Variants in LYPLAL1 observed in about 807,000 individuals in gnomAD.
LYPLAL1 encodes lysophospholipase-like protein 1.
LYPLAL1 carries 23 observed loss-of-function variants against 19.7 expected under a neutral mutation model. That is an observed-to-expected ratio of 1.17 (90% CI 0.84 to 1.65). The LOEUF is 1.65. Ranked by LOEUF, LYPLAL1 falls within the 40% of genes most tolerant of loss-of-function variation. The pLI is 0.00. For synonymous variants in LYPLAL1, 119 were observed against 96.3 expected, an observed-to-expected ratio of 1.24 and a Z score of -1.38; for missense variants, 355 against 279.4, an observed-to-expected ratio of 1.27 and a Z score of -1.93.
chr1:219,429,383 C>T, the LYPLAL1 span, among the ~76,000 whole-genome samples: 11 of 152,274 alleles, frequency 7.2e-5, no homozygotes, highest in East Asian at 1.2e-3. Flanking sequence ...TCCAGCAGGG[C>T]GCAGTGGCTC....
chr1:219,265,011 T>C, the LYPLAL1 span, among the ~76,000 whole-genome samples: 43 of 152,350 alleles, frequency 2.8e-4, no homozygotes, highest in Non-Finnish European at 5.3e-4. Flanking sequence ...TCTTCTCAAG[T>C]AGCCAGTTGT....
At position 219,173,958 on chromosome 1, in the gene LYPLAL1, C is replaced by T; in HGVS notation, c.68C>T (p.Ser23Phe). 2 of 1,614,094 alleles carry T rather than the reference C, an allele frequency of 1.2e-6. No homozygotes were observed. Among genetic ancestry groups the T allele is most frequent in the Non-Finnish European group, 1.7e-6 (2 of 1,179,980 alleles). ...TCGCCGGCAGGGAGGCATAGCGCCTCTCTGATCTTCCTGCATGGCTCAGGT... is the reference window on the plus strand; with the variant it reads ...TCGCCGGCAGGGAGGCATAGCGCCTTTCTGATCTTCCTGCATGGCTCAGGT... Reference protein sequence around the residue: ...IVSPAGRHSASLIFLHGSGDS... With the variant: ...IVSPAGRHSAFLIFLHGSGDS... The change falls in exon 1 of 5, where the codon TCT (serine) becomes TTT (phenylalanine). Residue 23 changes from serine (S) to phenylalanine (F), a missense_variant. Transcript: ENST00000366928.
At chr1:219,369,460 G>A in the LYPLAL1 span, among the ~76,000 whole-genome samples, 1 of 152,176 alleles carries the variant, frequency 6.6e-6, no homozygotes, top group Admixed American at 6.5e-5. Flanking sequence ...TTTTAGTAGA[G>A]GCAGGGTTTC....
At chr1:219,246,971 C>G in the LYPLAL1 span, among the ~76,000 whole-genome samples, 9 of 152,274 alleles carry the variant, frequency 5.9e-5, no homozygotes, top group African/African-American at 1.2e-4. Flanking sequence ...AAACTGCTGG[C>G]CCATTATGAT....
intron 3 of LYPLAL1, among the ~76,000 whole-genome samples, chr1:219,194,839 C>T (rs779914471): frequency 2.6e-5 from 4 of 151,992 alleles, no homozygotes; most frequent in Non-Finnish European, 5.9e-5. Flanking sequence ...TTAACTATTA[C>T]AGTGTAGAAG....
chr1:219,397,145 G>A, the LYPLAL1 span, among the ~76,000 whole-genome samples: 1 of 152,110 alleles, frequency 6.6e-6, no homozygotes, highest in Non-Finnish European at 1.5e-5. Flanking sequence ...TTTTATTTAA[G>A]GCCTTTTCTA....
chr1:219,435,446 CA>C, the LYPLAL1 span: 1 of 152,122 alleles, frequency 6.6e-6, no homozygotes, highest in Non-Finnish European at 1.5e-5. Context: ...AAATTATTTA[CA>C]GAAAGTTGTT....
chr1:219,430,287 C>CAAA, the LYPLAL1 span, among the ~76,000 whole-genome samples: 936 of 69,356 alleles, frequency 0.013, 43 homozygotes, highest in African/African-American at 0.042. Context: ...GATCCTAGCT[C>CAAA]AAAAAAAAAA....
the LYPLAL1 span, among the ~76,000 whole-genome samples, chr1:219,259,531 A>G: frequency 6.6e-6 from 1 of 151,516 alleles, no homozygotes; most frequent in Non-Finnish European, 1.5e-5. Context: ...AAGTGAATTA[A>G]CTCAGGAATG....
In LYPLAL1 at chr1:219,193,259, C is replaced by A; in HGVS notation, c.361+8C>A. ...AGAACAGGATATTAATAGGTAAGAC[C>A]TTTAAATGTTGGTAATTTATCACTG... On this transcript the variant is annotated splice_region_variant and intron_variant, in intron 3 of 4. Transcript: ENST00000366928. 1 of 1,598,130 alleles carries A rather than the reference C, an allele frequency of 6.3e-7. No individual in the cohort carries two copies. Among genetic ancestry groups the A allele is most frequent in the Non-Finnish European group, 8.5e-7 (1 of 1,170,404 alleles).
chr1:219,412,390 G>A, the LYPLAL1 span, among the ~76,000 whole-genome samples: 5 of 151,980 alleles, frequency 3.3e-5, no homozygotes, highest in Non-Finnish European at 7.4e-5. Flanking sequence ...CATGACTTTG[G>A]GCGATAACCC....
chr1:219,258,538 G>A, the LYPLAL1 span, among the ~76,000 whole-genome samples: 18 of 151,898 alleles, frequency 1.2e-4, no homozygotes, highest in Admixed American at 1.1e-3. Context: ...TATATCTTTT[G>A]TAGGCATATT....
chr1:219,317,902 A>G, the LYPLAL1 span, among the ~76,000 whole-genome samples: 1 of 152,174 alleles, frequency 6.6e-6, no homozygotes, highest in Admixed American at 6.5e-5. Flanking sequence ...TCTGTGGTCT[A>G]TCAGCATCTT....
chr1:219,354,556 G>T, the LYPLAL1 span, among the ~76,000 whole-genome samples: 1 of 152,108 alleles, frequency 6.6e-6, no homozygotes, highest in Non-Finnish European at 1.5e-5. Context: ...TTAACCTAAA[G>T]CAATGTATAA....
At chr1:219,189,391 A>T (rs1656971423) in intron 2 of LYPLAL1, among the ~76,000 whole-genome samples, 1 of 151,618 alleles carries the variant, frequency 6.6e-6, no homozygotes, top group South Asian at 2.1e-4. Flanking sequence ...TTTGACTACA[A>T]TTTGAGGTTT....
chr1:219,412,207 T>C, the LYPLAL1 span, among the ~76,000 whole-genome samples: 1 of 152,120 alleles, frequency 6.6e-6, no homozygotes, highest in Non-Finnish European at 1.5e-5. Flanking sequence ...AGCTAATTTT[T>C]TGTAGAGACT....
the LYPLAL1 span, among the ~76,000 whole-genome samples, chr1:219,226,239 T>C: frequency 6.6e-6 from 1 of 152,336 alleles, no homozygotes; most frequent in East Asian, 1.9e-4. Flanking sequence ...ATGACATAAC[T>C]ATCATTTCTG....
At chr1:219,344,866 A>G in the LYPLAL1 span, among the ~76,000 whole-genome samples, 1 of 152,294 alleles carries the variant, frequency 6.6e-6, no homozygotes, top group South Asian at 2.1e-4. Flanking sequence ...TGTATCCTAT[A>G]TGTACATTAA....
chr1:219,405,345 GC>G, the LYPLAL1 span, among the ~76,000 whole-genome samples: 1 of 152,102 alleles, frequency 6.6e-6, no homozygotes, highest in Non-Finnish European at 1.5e-5. Context: ...ATAAACACAG[GC>G]AAATAATATC....
Sources: gnomAD v4.1 joint callset for allele counts (sites outside exome capture counted in the v4.1 genomes callset) on GRCh38, gnomAD v4.1.1 for gene constraint, MANE v1.5 for transcripts, NCBI Gene and HGNC (gene_info 2026-07-23, HGNC 2026-07-21) for gene names.